Variants in BACE1 observed in about 807,000 individuals in gnomAD.
BACE1 encodes the protein APP beta-secretase.
BACE1 carries 21 observed loss-of-function variants against 54.0 expected under a neutral mutation model. That is an observed-to-expected ratio of 0.39 (90% CI 0.28 to 0.56). The LOEUF (loss-of-function observed/expected upper bound fraction) is 0.56. Ranked by LOEUF, BACE1 falls within the 20% of genes least tolerant of loss-of-function variation. The pLI, the probability that BACE1 is intolerant of heterozygous loss-of-function variation, is 0.63. For synonymous variants in BACE1, 232 were observed against 260.9 expected (o/e 0.89, Z 1.07); for missense variants, 511 against 661.2 (o/e 0.77, Z 2.49).
chr11:117,297,987 A>G (rs1216271461), intron 1 of BACE1, among the ~76,000 whole-genome samples: 1 of 152,130 alleles, frequency 6.6e-6, no homozygotes, highest in Non-Finnish European at 1.5e-5. Context: ...TTCCTTTGGC[A>G]CCCTCAACAT....
At chr11:117,306,373 G>A (rs1591867212) in intron 1 of BACE1, among the ~76,000 whole-genome samples, 2 of 152,096 alleles carry the variant, frequency 1.3e-5, no homozygotes, top group African/African-American at 4.8e-5. Context: ...ATCTTCTCTT[G>A]CTCTGTCCTC....
chr11:117,291,693 C>G lies in BACE1; in HGVS notation c.942+19G>C. 2 of 1,572,636 alleles carry G rather than the reference C, an allele frequency of 1.3e-6. No individual in the cohort carries two copies. The highest frequency in any genetic ancestry group is 8.8e-7 in the Non-Finnish European group (1 of 1,142,624). On this transcript the variant is annotated intron_variant, in intron 6 of 8. Transcript: ENST00000313005. ...TGACACTGTACCATCTCTTTTACCC[C>G]CATCCTTAGTCCACTCACGGAGGAG...
rs1172103391 is a variant in BACE1 at position 117,288,684 on chromosome 11, A to G, written c.*882T>C. 1 of 152,572 alleles carries G rather than the reference A, an allele frequency of 6.6e-6. No homozygotes were observed. The highest frequency in any genetic ancestry group is 2.1e-4 in the South Asian group (1 of 4,830). The allele number at this position is 152,572 out of a possible 1,614,324, so 9.5% of individuals were successfully genotyped here. A position where few individuals can be genotyped will look rare whatever the true frequency, so the allele number is the denominator to read the frequency against. On this transcript the variant is annotated 3_prime_UTR_variant, in exon 9 of 9. Coordinates refer to ENST00000313005, the MANE Select transcript of BACE1 (RefSeq NM_012104.6). Reference sequence around the variant, plus strand: ...ATATGTAGAATAAAGGGTGGTTCAGATAGAGACAATGAAATTAATATGGCA... The same window carrying G: ...ATATGTAGAATAAAGGGTGGTTCAGGTAGAGACAATGAAATTAATATGGCA...
intron 1 of BACE1, among the ~76,000 whole-genome samples, chr11:117,307,725 G>A (rs1280140987): frequency 6.6e-6 from 1 of 152,090 alleles, no homozygotes; most frequent in African/African-American, 2.4e-5. Context: ...CTTTCTCAAT[G>A]CCCCCTCACT....
At position 117,293,098 on chromosome 11, in the gene BACE1, G is replaced by T; in HGVS notation, c.796C>A (p.Arg266=). The change falls in exon 5 of 9, where the codon CGG becomes AGG. Residue 266 remains arginine, a synonymous_variant. Coordinates refer to ENST00000313005, the MANE Select transcript of BACE1 (RefSeq NM_012104.6). The surrounding 1 kb of genome is among the most constrained non-coding windows in gnomAD (Gnocchi z 4.1). ...AGATCCTGTCCATTGATCTCCACCC[G>T]CACAATGATCACCTCATAATACCAC... ...REWYYEVIIV[R]VEINGQDLKM... is the part of the protein sequence containing the mutation. 1 of 1,613,768 alleles carries T rather than the reference G, an allele frequency of 6.2e-7. No homozygotes were observed. Among genetic ancestry groups the T allele is most frequent in the Non-Finnish European group, 8.5e-7 (1 of 1,179,938 alleles).
rs200662469 is a variant in BACE1, at chr11:117,293,883, G to T, written c.693C>A (p.Val231=). 1 of 1,613,204 alleles carries T rather than the reference G, an allele frequency of 6.2e-7. No individual in the cohort carries two copies. The highest frequency in any genetic ancestry group is 8.5e-7 in the Non-Finnish European group (1 of 1,179,750). ...AGGACCTACTCACCATGCTCCCTCCGACAGAGGCCAGCACTTCAGACTGGT... is the reference window on the plus strand; with the variant it reads ...AGGACCTACTCACCATGCTCCCTCCTACAGAGGCCAGCACTTCAGACTGGT... ...PLNQSEVLAS[V]GGSMIIGGID... Residue 231 remains valine (V), a synonymous_variant, in exon 4 of 9, where the codon GTC becomes GTA. Coordinates refer to ENST00000313005, the MANE Select transcript of BACE1 (RefSeq NM_012104.6). The surrounding 1 kb of genome is among the most constrained non-coding windows in gnomAD (Gnocchi z 4.1).
intron 1 of BACE1, among the ~76,000 whole-genome samples, chr11:117,299,908 C>T (rs1388846340): frequency 6.6e-6 from 1 of 152,190 alleles, no homozygotes; most frequent in Non-Finnish European, 1.5e-5. Flanking sequence ...GGATCTCCTC[C>T]ACAACAAGTC....
At chr11:117,296,644 C>T (rs2034607423) in intron 2 of BACE1, among the ~76,000 whole-genome samples, 1 of 152,154 alleles carries the variant, frequency 6.6e-6, no homozygotes. Flanking sequence ...TGTCTCAGCA[C>T]TGAAGCACTT....
Position 117,313,049 on chromosome 11 carries a change from C to T in BACE1, c.261+2486G>A, listed in dbSNP as rs1024656020. Among the ~76,000 whole-genome samples the T allele has an allele frequency of 2.0e-5, 3 of 152,170 alleles. No individual in the cohort carries two copies. The East Asian group carries it at 5.8e-4, about 29-fold the overall frequency. ...TGCCTAGCACAGAGAAAGTGCTCCC[C>T]AAATTTTACTTTTTCTTGTTCAGAA... is the stretch of plus-strand genomic sequence containing the variant. On this transcript the variant is annotated intron_variant, in intron 1 of 8. Coordinates refer to ENST00000313005, the MANE Select transcript of BACE1 (RefSeq NM_012104.6).
chr11:117,296,145 T>C (rs995002169), intron 2 of BACE1, among the ~76,000 whole-genome samples: 2 of 152,178 alleles, frequency 1.3e-5, no homozygotes, highest in African/African-American at 2.4e-5. Flanking sequence ...GTCTCAGATA[T>C]TGGTGTCCTC....
chr11:117,298,294 C>T (rs1203181056), intron 1 of BACE1, among the ~76,000 whole-genome samples: 1 of 151,250 alleles, frequency 6.6e-6, no homozygotes, highest in Admixed American at 6.6e-5. Flanking sequence ...AGCAACACTC[C>T]GTCTCAAAAA....
chr11:117,295,178 A>C lies in BACE1; in HGVS notation c.520T>G (p.Ser174Ala). Residue 174 changes from serine to alanine, a missense_variant, in exon 3 of 9, where the codon TCC becomes GCC. By Grantham distance (99) the Ser-to-Ala change is moderately conservative (BLOSUM62 1). Transcript: ENST00000313005. Reference protein sequence around the residue: ...TESDKFFINGSNWEGILGLAY... With the variant: ...TESDKFFINGANWEGILGLAY... Reference sequence around the variant, plus strand: ...AGCCCCAGGATGCCTTCCCAGTTGGAGCCGTTGATGAAGAACTTGTCTGAT... The same window carrying C: ...AGCCCCAGGATGCCTTCCCAGTTGGCGCCGTTGATGAAGAACTTGTCTGAT... The C allele has an allele frequency of 6.2e-7, 1 of 1,614,120 alleles. No individual in the cohort carries two copies. The highest frequency in any genetic ancestry group is 1.1e-5 in the South Asian group (1 of 91,076).
At chr11:117,291,308 A>T (rs1435760160) in intron 6 of BACE1, among the ~76,000 whole-genome samples, 1 of 148,114 alleles carries the variant, frequency 6.8e-6, no homozygotes, top group East Asian at 2.0e-4. Context: ...ACAGTGTCTC[A>T]CTCTGTTGCC....
Position 117,289,542 on chromosome 11 carries a change from T to C in BACE1, c.*24A>G. ...CACGGAGGTGTGGTCCAGGGGAATC[T>C]CTATCTTCTGCCCATGGGCCTCCTC... On this transcript the variant is annotated 3_prime_UTR_variant, in exon 9 of 9. Coordinates refer to ENST00000313005, the MANE Select transcript of BACE1 (RefSeq NM_012104.6). 2 of 1,612,444 alleles carry C rather than the reference T, an allele frequency of 1.2e-6. No homozygotes were observed. Among genetic ancestry groups the C allele is most frequent in the Non-Finnish European group, 1.7e-6 (2 of 1,179,130 alleles).
chr11:117,290,706 AC>A (rs3214855), intron 7 of BACE1, 47 bp from the exon 8 acceptor site: 93,361 of 1,603,834 alleles, frequency 0.058, 3,198 homozygotes, highest in East Asian at 0.13. Flanking sequence ...ACTCTCCTTC[AC>A]CCCATCTCTG....
intron 1 of BACE1, among the ~76,000 whole-genome samples, chr11:117,301,693 T>G (rs1471097089): frequency 6.6e-6 from 1 of 152,144 alleles, no homozygotes; most frequent in Non-Finnish European, 1.5e-5. Context: ...CAGTGTTCCT[T>G]ATACTAGTGG....
In BACE1 at chr11:117,289,372, G is replaced by T; in HGVS notation, c.*194C>A. 3.5e-6 allele frequency: 3 copies of T among 852,254 alleles called. No individual in the cohort carries two copies. The highest frequency in any genetic ancestry group is 5.5e-5 in the East Asian group (2 of 36,690). The allele number at this position is 852,254 out of a possible 1,614,324, so 52.8% of individuals were successfully genotyped here. A position where few individuals can be genotyped will look rare whatever the true frequency, so the allele number is the denominator to read the frequency against. ...AGAGTGCTTCTTTCTTCTCTTTTCT[G>T]TTTCCTACAGGTACAGTCCCTGGAA... On this transcript the variant is annotated 3_prime_UTR_variant, in exon 9 of 9. Coordinates refer to ENST00000313005, the MANE Select transcript of BACE1 (RefSeq NM_012104.6).
intron 1 of BACE1, among the ~76,000 whole-genome samples, chr11:117,300,718 C>T (rs1011929054): frequency 1.3e-5 from 2 of 151,048 alleles, no homozygotes; most frequent in African/African-American, 2.4e-5. Context: ...GCCACCTGTG[C>T]TGGGGAGTCA....
At chr11:117,290,391 C>T in intron 8 of BACE1, 97 bp downstream of exon 8, 3 of 1,447,058 alleles carry the variant, frequency 2.1e-6, no homozygotes, top group East Asian at 2.4e-5. Context: ...TGTTACTACC[C>T]TCCCCTAAAC....
Sources: allele counts gnomAD v4.1 joint callset (sites outside exome capture counted in the v4.1 genomes callset), GRCh38; gene constraint gnomAD v4.1.1; non-coding constraint Gnocchi (gnomAD v3.1); transcripts MANE v1.5; gene names NCBI Gene and HGNC (gene_info 2026-07-23, HGNC 2026-07-21).